The following GRM8 variants were observed in gnomAD, a reference collection of about 807,000 sequenced individuals.
GRM8 encodes glutamate metabotropic receptor 8.
A neutral mutation model predicts 87.2 loss-of-function variants in GRM8; 47 were observed. That is an observed-to-expected ratio of 0.54 (90% CI 0.43 to 0.69). The LOEUF is 0.69. Ranked by LOEUF, GRM8 falls within the 30% of genes least tolerant of loss-of-function variation. The pLI is 0.00. For missense variants in GRM8, 1,019 were observed against 1,139.2 expected, an observed-to-expected ratio of 0.89 and a Z score of 1.52; for synonymous variants, 396 against 404.5, an observed-to-expected ratio of 0.98 and a Z score of 0.25.
intron 7 of GRM8, among the ~76,000 whole-genome samples, chr7:126,625,571 T>G (rs3808161): frequency 0.32 from 48,666 of 152,042 alleles, 8,420 homozygotes; most frequent in East Asian, 0.43. Flanking sequence ...TTGGATAAAA[T>G]GTGCTTTAAG....
chr7:127,144,319 C>A (rs1427142356), intron 2 of GRM8, among the ~76,000 whole-genome samples: 1 of 152,052 alleles, frequency 6.6e-6, no homozygotes, highest in Non-Finnish European at 1.5e-5. Flanking sequence ...TATGTCTATT[C>A]CATCATCTGT....
At chr7:126,942,125 G>A (rs1189787154) in intron 3 of GRM8, among the ~76,000 whole-genome samples, 1 of 151,948 alleles carries the variant, frequency 6.6e-6, no homozygotes, top group African/African-American at 2.4e-5. Flanking sequence ...CTTTCTGGAT[G>A]TTTTGATTAC....
chr7:126,724,505 C>G (rs1244711875), intron 7 of GRM8, among the ~76,000 whole-genome samples: 1 of 152,134 alleles, frequency 6.6e-6, no homozygotes, highest in African/African-American at 2.4e-5. Flanking sequence ...CTTACCTGCA[C>G]TGGACTGTGA....
chr7:126,937,386 T>A (rs1289974893), intron 3 of GRM8, among the ~76,000 whole-genome samples: 1 of 152,170 alleles, frequency 6.6e-6, no homozygotes, highest in Non-Finnish European at 1.5e-5. Context: ...TTTGCGGGTA[T>A]TACATTGCCA....
At chr7:126,814,892 A>C (rs1793638171) in intron 6 of GRM8, among the ~76,000 whole-genome samples, 1 of 152,054 alleles carries the variant, frequency 6.6e-6, no homozygotes, top group Non-Finnish European at 1.5e-5. Flanking sequence ...AGCAAATTAT[A>C]ATCAGTGACA....
chr7:126,872,802 A>G (rs1188533073), intron 6 of GRM8, among the ~76,000 whole-genome samples: 2 of 152,110 alleles, frequency 1.3e-5, no homozygotes, highest in Non-Finnish European at 2.9e-5. Context: ...TCCGGGCAGC[A>G]TTTCATCATC....
intron 3 of GRM8, among the ~76,000 whole-genome samples, chr7:126,913,961 CT>C (rs1327152108): frequency 6.6e-6 from 1 of 152,200 alleles, no homozygotes; most frequent in African/African-American, 2.4e-5. Flanking sequence ...CTCTTTCTCA[CT>C]TTCAAACATT....
intron 2 of GRM8, among the ~76,000 whole-genome samples, chr7:127,197,998 A>T: frequency 6.6e-6 from 1 of 151,694 alleles, no homozygotes; most frequent in Non-Finnish European, 1.5e-5. Flanking sequence ...AAAAAAAAGG[A>T]CCTTTTGGTT....
chr7:126,876,073 A>C (rs1393507870), intron 6 of GRM8, among the ~76,000 whole-genome samples: 1 of 152,032 alleles, frequency 6.6e-6, no homozygotes, highest in Non-Finnish European at 1.5e-5. Context: ...ATCCTACTCA[A>C]ACTTTACCTT....
intron 8 of GRM8, among the ~76,000 whole-genome samples, chr7:126,537,382 A>G (rs1047238005): frequency 1.3e-5 from 2 of 152,238 alleles, no homozygotes; most frequent in African/African-American, 4.8e-5. Context: ...ATCCACTTCA[A>G]GAAAGGACAA....
intron 8 of GRM8, among the ~76,000 whole-genome samples, chr7:126,539,797 T>G (rs1816325783): frequency 6.6e-6 from 1 of 151,666 alleles, no homozygotes; most frequent in South Asian, 2.1e-4. Flanking sequence ...ATATAAAAAT[T>G]AACTCAAAAA....
intron 8 of GRM8, among the ~76,000 whole-genome samples, chr7:126,578,106 C>T (rs1795270671): frequency 6.6e-6 from 1 of 152,122 alleles, no homozygotes; most frequent in Non-Finnish European, 1.5e-5. Context: ...AAGTGAGAAA[C>T]TCTTACTAGT....
Position 127,231,531 on chromosome 7 carries a change from T to G in GRM8, c.510+11164A>C, listed in dbSNP as rs537634208. Among the ~76,000 whole-genome samples, 40 of 152,376 alleles carry G rather than the reference T, an allele frequency of 2.6e-4. No homozygotes were observed. The South Asian group carries it at 7.5e-3, about 28-fold the overall frequency. On this transcript the variant is annotated intron_variant, in intron 2 of 10. Coordinates refer to ENST00000339582, the MANE Select transcript of GRM8 (RefSeq NM_000845.3). ...ACATTTAGTTCCACTGTTTTTCTGA[T>G]TGTCCTAAAATGAATGTGACTTCTA...
At chr7:127,205,266 A>G (rs553531884) in intron 2 of GRM8, among the ~76,000 whole-genome samples, 4 of 152,318 alleles carry the variant, frequency 2.6e-5, no homozygotes, top group African/African-American at 9.6e-5. Flanking sequence ...TGCCAAGCAT[A>G]TAACAGTGAA....
chr7:126,719,870 T>C (rs1047922779), intron 7 of GRM8, among the ~76,000 whole-genome samples: 2 of 146,790 alleles, frequency 1.4e-5, no homozygotes, highest in Non-Finnish European at 3.0e-5. Flanking sequence ...AAAAAAGAAA[T>C]ACAAGGTATT....
chr7:126,697,878 C>T (rs1809544724), intron 7 of GRM8, among the ~76,000 whole-genome samples: 1 of 152,126 alleles, frequency 6.6e-6, no homozygotes, highest in African/African-American at 2.4e-5. Context: ...GCTGCAATGG[C>T]TGGAACCCCA....
At chr7:126,830,595 T>C (rs971858544) in intron 6 of GRM8, among the ~76,000 whole-genome samples, 6 of 152,228 alleles carry the variant, frequency 3.9e-5, no homozygotes, top group Non-Finnish European at 5.9e-5. Flanking sequence ...ATTCTAGTTA[T>C]GCATTCGTCT....
intron 7 of GRM8, among the ~76,000 whole-genome samples, chr7:126,721,068 C>T (rs1177543441): frequency 6.6e-6 from 1 of 152,228 alleles, no homozygotes; most frequent in Non-Finnish European, 1.5e-5. Context: ...CTTGACCCTA[C>T]ACCCCAATGG....
At chr7:126,908,266 A>G (rs2131270148) in intron 3 of GRM8, among the ~76,000 whole-genome samples, 1 of 152,306 alleles carries the variant, frequency 6.6e-6, no homozygotes, top group Middle Eastern at 3.4e-3. Context: ...CTCTGAAAAA[A>G]ATCAGGTTTG....
Sources: gnomAD v4.1 joint callset for allele counts (sites outside exome capture counted in the v4.1 genomes callset) on GRCh38, gnomAD v4.1.1 for gene constraint, MANE v1.5 for transcripts, NCBI Gene and HGNC (gene_info 2026-07-23, HGNC 2026-07-21) for gene names.